Variants in TRIM63 observed in about 807,000 individuals in gnomAD.
TRIM63 encodes the protein E3 ubiquitin-protein ligase TRIM63.
A neutral mutation model predicts 46.0 loss-of-function variants in TRIM63; 48 were observed. That is an observed-to-expected ratio of 1.04 (90% CI 0.83 to 1.33). The LOEUF (loss-of-function observed/expected upper bound fraction) is 1.33, where lower values mean the gene tolerates loss of function less well. Ranked by LOEUF, TRIM63 falls within the 40% of genes most tolerant of loss-of-function variation. The pLI, the probability that TRIM63 is intolerant of heterozygous loss-of-function variation, is 0.00. For missense variants in TRIM63, 455 were observed against 441.2 expected, an observed-to-expected ratio of 1.03 and a Z score of -0.28; for synonymous variants, 175 against 162.8, an observed-to-expected ratio of 1.08 and a Z score of -0.57.
At chr1:26,066,557 C>T in intron 1 of TRIM63, 117 bp from the exon 2 acceptor site, 1 of 922,598 alleles carries the variant, frequency 1.1e-6, no homozygotes, top group Non-Finnish European at 1.6e-6. Flanking sequence ...ACCTAACAAC[C>T]TGGAGCTCTG....
Position 26,054,385 on chromosome 1 carries a change from A to G in TRIM63, c.980-421T>C, listed in dbSNP as rs752385071. Among the ~76,000 whole-genome samples the G allele has an allele frequency of 7.2e-5, 11 of 152,284 alleles. No homozygotes were observed. In the East Asian group the frequency reaches 1.5e-3, roughly 21 times the overall value. On this transcript the variant is annotated intron_variant, in intron 7 of 8. Coordinates refer to ENST00000374272, the MANE Select transcript of TRIM63 (RefSeq NM_032588.4). Reference sequence around the variant, plus strand: ...TGTCTTGAAGGAAGCTACTTAGCCTATGAGATCTGCTTGTTCAGCAGCCAC... The same window carrying G: ...TGTCTTGAAGGAAGCTACTTAGCCTGTGAGATCTGCTTGTTCAGCAGCCAC...
At chr1:26,057,364 T>C in intron 6 of TRIM63, 37 bp from the exon 7 acceptor site, 1 of 1,611,634 alleles carries the variant, frequency 6.2e-7, no homozygotes, top group Non-Finnish European at 8.5e-7. Context: ...GGATGAGGTC[T>C]CTGGGGCTCA....
In TRIM63 at chr1:26,058,591, G is replaced by T. The variant is rs1234355444; in HGVS notation, c.630C>A (p.Ser210Arg). The change falls in exon 5 of 9, where the codon AGC (serine) becomes AGA (arginine). Residue 210 changes from serine to arginine, a missense_variant. Coordinates refer to ENST00000374272, the MANE Select transcript of TRIM63 (RefSeq NM_032588.4). Reference protein sequence around the residue: ...ENSHQVKEELSQKFDTLYAIL... With the variant: ...ENSHQVKEELRQKFDTLYAIL... ...TGGCATACAACGTGTCAAACTTCTG[G>T]CTCAGCTCTTCCTTTACCTGGTGAC... 1.9e-6 allele frequency: 3 copies of T among 1,613,994 alleles called. No individual in the cohort carries two copies. Among genetic ancestry groups the T allele is most frequent in the Non-Finnish European group, 2.5e-6 (3 of 1,180,044 alleles).
At position 26,060,273 on chromosome 1, in the gene TRIM63, A is replaced by C; in HGVS notation, c.590T>G (p.Val197Gly). The change falls in exon 4 of 9, where the codon GTG (valine) becomes GGG (glycine). Residue 197 changes from valine to glycine, a missense_variant. Physicochemically the swap from Val to Gly is moderately radical, Grantham distance 109 (BLOSUM62 -3). Coordinates refer to ENST00000374272, the MANE Select transcript of TRIM63 (RefSeq NM_032588.4). ...IITQLEDSRR[V>G]TKENSHQVKE... is the part of the protein sequence containing the mutation. ...ACTATTCTGTCCGCTCACCTTGGTC[A>C]CTCGACGGGAATCCTCCAGCTGAGT... The C allele has an allele frequency of 6.2e-7, 1 of 1,613,686 alleles. No individual in the cohort carries two copies. Among genetic ancestry groups the C allele is most frequent in the Non-Finnish European group, 8.5e-7 (1 of 1,179,860 alleles).
At chr1:26,059,751 TG>T (rs1286014477) in intron 4 of TRIM63, among the ~76,000 whole-genome samples, 5 of 152,174 alleles carry the variant, frequency 3.3e-5, no homozygotes, top group Admixed American at 3.3e-4. Context: ...AGTTCCCTTC[TG>T]CCCTCAACAG....
In TRIM63 at chr1:26,064,328, AG is replaced by A. The variant is rs935064288; in HGVS notation, c.332+1939del. On this transcript the variant is annotated intron_variant, in intron 2 of 8. Transcript: ENST00000374272. ...CATCTGTAGTCCCTGCTACTCGGGA[AG>A]CTGAGGCTGGGGAATCACTTGAACC... 4.4e-3 allele frequency among the ~76,000 whole-genome samples: 666 copies of A among 152,190 alleles called. 7 individuals carry two copies. Among genetic ancestry groups the A allele is most frequent in the African/African-American group, 0.015 (640 of 41,524 alleles).
At position 26,066,012 on chromosome 1, in the gene TRIM63, C is replaced by T. The variant is rs539331455; in HGVS notation, c.332+256G>A. ...GGGCCTTTCTCTCCCTCTCACATCT[C>T]ATCTTTCCCCCAGTCTCTGTCTTGG... On this transcript the variant is annotated intron_variant, in intron 2 of 8. Transcript: ENST00000374272. Among the ~76,000 whole-genome samples the T allele has an allele frequency of 2.0e-5, 3 of 152,340 alleles. No individual in the cohort carries two copies. In the South Asian group the frequency reaches 6.2e-4, roughly 32 times the overall value.
chr1:26,053,928 TG>T lies in TRIM63; in HGVS notation c.1015del (p.Gln339ArgfsTer21). ...EEEEFIEEED[Q>X]EEEESTEGKE... is the part of the protein sequence containing the mutation. Reference sequence around the variant, plus strand: ...CCCTTCTGTGGACTCTTCCTCTTCCTGATCTTCTTCTTCAATGAATTCTTCC... The same window carrying T: ...CCCTTCTGTGGACTCTTCCTCTTCCTATCTTCTTCTTCAATGAATTCTTCC... On this transcript the variant is annotated frameshift_variant, in exon 8 of 9. Transcript: ENST00000374272. LOFTEE classifies it high-confidence loss of function. 6.3e-7 allele frequency: 1 copy of T among 1,592,992 alleles called. No homozygotes were observed. Among genetic ancestry groups the T allele is most frequent in the South Asian group, 1.1e-5 (1 of 87,888 alleles).
At chr1:26,058,992 T>G (rs1432892381) in intron 4 of TRIM63, among the ~76,000 whole-genome samples, 1 of 151,234 alleles carries the variant, frequency 6.6e-6, no homozygotes, top group Non-Finnish European at 1.5e-5. Flanking sequence ...AGTCACCCAA[T>G]GTGGGATCTG....
At chr1:26,066,468 C>G in intron 1 of TRIM63, 28 bp from the exon 2 acceptor site, 1 of 1,531,768 alleles carries the variant, frequency 6.5e-7, no homozygotes. Context: ...CAAGGTGAGG[C>G]CTGGGCTCCC....
chr1:26,051,776 G>GC lies in TRIM63; in HGVS notation c.*96_*97insG. The GC allele has an allele frequency of 4.3e-6, 1 of 234,184 alleles. No individual in the cohort carries two copies. 14.5% of individuals were successfully genotyped at this position (234,184 alleles called of 1,614,324 possible). On this transcript the variant is annotated 3_prime_UTR_variant, in exon 9 of 9. Coordinates refer to ENST00000374272, the MANE Select transcript of TRIM63 (RefSeq NM_032588.4). ...TCCCCATTGCCCCTCCAGGGGCCCC[G>GC]ACCCCTCCCACCCTGGGCCTGTCAC... is the stretch of plus-strand genomic sequence containing the variant.
chr1:26,057,350 G>A (rs1327051852), intron 6 of TRIM63, 23 bp from the exon 7 acceptor site: 2 of 1,612,954 alleles, frequency 1.2e-6, no homozygotes, highest in Non-Finnish European at 1.7e-6. Flanking sequence ...CAGAAAGAGA[G>A]GCAGGATGAG....
At chr1:26,058,369 G>A (rs756955093) in intron 5 of TRIM63, 21 bp downstream of exon 5, 13 of 1,606,478 alleles carry the variant, frequency 8.1e-6, no homozygotes, top group Non-Finnish European at 1.0e-5. Flanking sequence ...ACCCCACCCA[G>A]ACCCTTCTAG....
chr1:26,056,680 T>C (rs939981346), intron 7 of TRIM63, among the ~76,000 whole-genome samples: 1 of 152,082 alleles, frequency 6.6e-6, no homozygotes, highest in Non-Finnish European at 1.5e-5. Flanking sequence ...CATGGATCCA[T>C]ATGTAATTTA....
chr1:26,052,488 G>A (rs112622514), intron 8 of TRIM63, among the ~76,000 whole-genome samples: 49 of 151,916 alleles, frequency 3.2e-4, no homozygotes, highest in Non-Finnish European at 6.5e-4. Flanking sequence ...TTTTTGAGAT[G>A]GAGTTTCACT....
At chr1:26,057,495 G>A (rs2050583851) in intron 6 of TRIM63, 133 bp downstream of exon 6, 13 of 1,384,090 alleles carry the variant, frequency 9.4e-6, no homozygotes, top group Non-Finnish European at 1.3e-5. Flanking sequence ...AAAAGTCAGG[G>A]ATGCAAAGGG....
At chr1:26,057,689 A>G in intron 5 of TRIM63, 39 bp from the exon 6 acceptor site, 1 of 1,585,554 alleles carries the variant, frequency 6.3e-7, no homozygotes, top group African/African-American at 1.4e-5. Flanking sequence ...GGACCGCAGA[A>G]GAGGTAACCG....
intron 2 of TRIM63, among the ~76,000 whole-genome samples, chr1:26,065,033 G>A (rs1361823191): frequency 6.6e-6 from 1 of 152,076 alleles, no homozygotes; most frequent in East Asian, 1.9e-4. Flanking sequence ...GTGTGTGTGT[G>A]TGTGTGTTTA....
intron 8 of TRIM63, among the ~76,000 whole-genome samples, chr1:26,052,473 G>GT (rs370683124): frequency 2.3e-4 from 35 of 151,326 alleles, no homozygotes; most frequent in African/African-American, 5.3e-4. Context: ...TCTTTTCTTT[G>GT]TTTTTTTTTG....
Sources: allele counts gnomAD v4.1 joint callset (sites outside exome capture counted in the v4.1 genomes callset), GRCh38; gene constraint gnomAD v4.1.1; transcripts MANE v1.5; gene names NCBI Gene and HGNC (gene_info 2026-07-23, HGNC 2026-07-21).